The following CNTN4 variants were observed in gnomAD, a reference collection of about 807,000 sequenced individuals.
CNTN4 encodes contactin-4.
CNTN4 carries 77 observed loss-of-function variants against 122.5 expected under a neutral mutation model. The observed-to-expected ratio is 0.63, with a 90% CI of 0.52 to 0.76. CNTN4 has a LOEUF of 0.76. Ranked by LOEUF, CNTN4 falls within the 30% of genes least tolerant of loss-of-function variation. The pLI, the probability that CNTN4 is intolerant of heterozygous loss-of-function variation, is 0.00. For missense variants in CNTN4, 1,256 were observed against 1,259.1 expected (o/e 1.00, Z 0.04); for synonymous variants, 512 against 447.0 (o/e 1.15, Z -1.83).
intron 5 of CNTN4, among the ~76,000 whole-genome samples, chr3:2,741,557 A>G (rs1044872403): frequency 6.6e-6 from 1 of 152,232 alleles, no homozygotes; most frequent in Non-Finnish European, 1.5e-5. Context: ...TGTCTTGGGC[A>G]AGCCAGAATG....
chr3:2,454,809 A>G (rs9852630), intron 3 of CNTN4, among the ~76,000 whole-genome samples: 108,947 of 152,030 alleles, frequency 0.72, 39,579 homozygotes, highest in African/African-American at 0.83. Context: ...ACGGCTGAAT[A>G]CCTGAATGTG....
intron 3 of CNTN4, among the ~76,000 whole-genome samples, chr3:2,363,050 A>G (rs2045225107): frequency 6.6e-6 from 1 of 152,106 alleles, no homozygotes; most frequent in African/African-American, 2.4e-5. Flanking sequence ...CTTATGATCC[A>G]TTAATTGGAT....
chr3:2,641,876 A>C (rs1035409912), intron 4 of CNTN4, among the ~76,000 whole-genome samples: 2 of 152,192 alleles, frequency 1.3e-5, no homozygotes, highest in Non-Finnish European at 2.9e-5. Flanking sequence ...CCATTTTTAC[A>C]TCATATTGAA....
At chr3:2,898,954 T>C (rs1358949281) in intron 10 of CNTN4, among the ~76,000 whole-genome samples, 1 of 152,226 alleles carries the variant, frequency 6.6e-6, no homozygotes, top group Non-Finnish European at 1.5e-5. Flanking sequence ...CAAGGAAGAC[T>C]TGCAGCTCTT....
intron 2 of CNTN4, among the ~76,000 whole-genome samples, chr3:2,187,724 C>T (rs1307784906): frequency 1.3e-5 from 2 of 152,128 alleles, no homozygotes; most frequent in African/African-American, 4.8e-5. Context: ...TTGCAAATAT[C>T]AAAGCAGGAC....
intron 23 of CNTN4, among the ~76,000 whole-genome samples, chr3:3,051,195 A>G (rs992851393): frequency 5.3e-5 from 8 of 152,224 alleles, no homozygotes; most frequent in Non-Finnish European, 8.8e-5. Context: ...CAGTGTTCAG[A>G]CATTAAATAG....
chr3:2,555,264 A>G (rs1364746035), intron 3 of CNTN4, among the ~76,000 whole-genome samples: 1 of 152,194 alleles, frequency 6.6e-6, no homozygotes, highest in Non-Finnish European at 1.5e-5. Context: ...TAATTTCCTG[A>G]TTAGTCCCTT....
chr3:2,123,177 C>A (rs1177539825), intron 2 of CNTN4, among the ~76,000 whole-genome samples: 1 of 152,194 alleles, frequency 6.6e-6, no homozygotes. Context: ...ATATGCCTAG[C>A]ACCCTTGCAT....
At chr3:2,916,409 G>A (rs7626592) in intron 12 of CNTN4, among the ~76,000 whole-genome samples, 26 of 146,722 alleles carry the variant, frequency 1.8e-4, no homozygotes, top group African/African-American at 6.6e-4. Context: ...TGACTGTTAA[G>A]GAGCATGCTG....
chr3:2,881,898 G>A (rs182098925), intron 8 of CNTN4, among the ~76,000 whole-genome samples: 281 of 152,356 alleles, frequency 1.8e-3, no homozygotes, highest in African/African-American at 6.4e-3. Flanking sequence ...GAAGCCTAAA[G>A]GAGAGATGAA....
At chr3:2,623,671 T>C (rs562570190) in intron 4 of CNTN4, among the ~76,000 whole-genome samples, 54 of 152,236 alleles carry the variant, frequency 3.5e-4, no homozygotes, top group African/African-American at 1.2e-3. Flanking sequence ...AGGGCAAGCA[T>C]AGAAACCACT....
At chr3:2,408,911 A>G (rs2047130254) in intron 3 of CNTN4, among the ~76,000 whole-genome samples, 1 of 152,162 alleles carries the variant, frequency 6.6e-6, no homozygotes, top group African/African-American at 2.4e-5. Context: ...AACTTTTAAG[A>G]TATTAAATTT....
At chr3:2,943,269 G>A (rs758827098) in intron 13 of CNTN4, among the ~76,000 whole-genome samples, 2 of 152,116 alleles carry the variant, frequency 1.3e-5, no homozygotes, top group Non-Finnish European at 2.9e-5. Flanking sequence ...TTTTCCTGAT[G>A]TATTTTTCCA....
intron 2 of CNTN4, among the ~76,000 whole-genome samples, chr3:2,188,048 T>C (rs1323511539): frequency 6.6e-6 from 1 of 152,110 alleles, no homozygotes; most frequent in African/African-American, 2.4e-5. Flanking sequence ...ACTTGTCAAG[T>C]GCCTGGATCA....
intron 4 of CNTN4, among the ~76,000 whole-genome samples, chr3:2,596,102 A>G (rs2080758174): frequency 6.6e-6 from 1 of 152,224 alleles, no homozygotes; most frequent in Non-Finnish European, 1.5e-5. Flanking sequence ...AAAGCAATGA[A>G]TGAATACATA....
chr3:2,839,744 G>C (rs9811354), intron 7 of CNTN4, among the ~76,000 whole-genome samples: 37,745 of 151,930 alleles, frequency 0.25, 4,996 homozygotes, highest in East Asian at 0.34. Context: ...TGCTCTTAGG[G>C]TCAACTAGAC....
intron 9 of CNTN4, among the ~76,000 whole-genome samples, chr3:2,885,865 C>T (rs903557374): frequency 2.6e-5 from 4 of 152,096 alleles, no homozygotes; most frequent in East Asian, 1.9e-4. Context: ...TTGTTGGGGA[C>T]GTTGGAAGGC....
chr3:2,827,522 A>G (rs1299555301), intron 7 of CNTN4, among the ~76,000 whole-genome samples: 1 of 152,232 alleles, frequency 6.6e-6, no homozygotes, highest in African/African-American at 2.4e-5. Context: ...ACATTCATGT[A>G]ACAACTTTTA....
intron 2 of CNTN4, among the ~76,000 whole-genome samples, chr3:2,254,032 C>G (rs1340521332): frequency 1.3e-5 from 2 of 151,456 alleles, no homozygotes; most frequent in Non-Finnish European, 2.9e-5. Flanking sequence ...AATGCTATCC[C>G]TCCCCTAGCC....
Sources: gnomAD v4.1 joint callset for allele counts (sites outside exome capture counted in the v4.1 genomes callset) on GRCh38, gnomAD v4.1.1 for gene constraint, MANE v1.5 for transcripts, NCBI Gene and HGNC (gene_info 2026-07-23, HGNC 2026-07-21) for gene names.